Variants in KCND2 observed in about 807,000 individuals in gnomAD.
The protein encoded by KCND2 is A-type voltage-gated potassium channel KCND2.
A neutral mutation model predicts 54.4 loss-of-function variants in KCND2; 16 were observed. That is an observed-to-expected ratio of 0.29 (90% CI 0.20 to 0.45). The LOEUF (loss-of-function observed/expected upper bound fraction) is 0.45. Ranked by LOEUF, KCND2 falls within the 20% of genes least tolerant of loss-of-function variation. The pLI is 1.00. For synonymous variants in KCND2, 317 were observed against 310.7 expected (o/e 1.02, Z -0.21); for missense variants, 486 against 824.2 (o/e 0.59, Z 5.02).
At chr7:120,599,352 T>C (rs991522198) in intron 1 of KCND2, among the ~76,000 whole-genome samples, 2 of 152,036 alleles carry the variant, frequency 1.3e-5, no homozygotes, top group Non-Finnish European at 2.9e-5. Context: ...GGAATAAAAT[T>C]ATTTGTCTCA....
At chr7:120,678,282 C>T (rs534769791) in intron 1 of KCND2, among the ~76,000 whole-genome samples, 1 of 148,990 alleles carries the variant, frequency 6.7e-6, no homozygotes, top group East Asian at 2.0e-4. Context: ...TTATATAGGA[C>T]TCAGTACTGT....
chr7:120,528,364 A>G (rs972471494), intron 1 of KCND2, among the ~76,000 whole-genome samples: 2 of 152,282 alleles, frequency 1.3e-5, no homozygotes, highest in African/African-American at 4.8e-5. Flanking sequence ...GTGATTTATT[A>G]TTTAAAAAAA....
intron 1 of KCND2, among the ~76,000 whole-genome samples, chr7:120,288,988 G>C (rs893549416): frequency 6.6e-6 from 1 of 151,620 alleles, no homozygotes; most frequent in East Asian, 1.9e-4. Context: ...CCTTAACAGA[G>C]TATATATGGG....
intron 1 of KCND2, among the ~76,000 whole-genome samples, chr7:120,384,080 C>T (rs1800953365): frequency 6.6e-6 from 1 of 152,010 alleles, no homozygotes; most frequent in Admixed American, 6.6e-5. Context: ...TACAACTACC[C>T]CATCCTCCCA....
At chr7:120,486,415 G>A (rs1802694121) in intron 1 of KCND2, among the ~76,000 whole-genome samples, 1 of 152,062 alleles carries the variant, frequency 6.6e-6, no homozygotes, top group Non-Finnish European at 1.5e-5. Context: ...AGGAATTGTA[G>A]CTACCAAATT....
chr7:120,668,333 C>T (rs575155578), intron 1 of KCND2, among the ~76,000 whole-genome samples: 2 of 152,102 alleles, frequency 1.3e-5, no homozygotes, highest in African/African-American at 2.4e-5. Context: ...AATTAAAACA[C>T]ATTTCACTAA....
intron 1 of KCND2, among the ~76,000 whole-genome samples, chr7:120,550,876 T>C (rs1264143490): frequency 1.3e-5 from 2 of 152,224 alleles, no homozygotes; most frequent in African/African-American, 4.8e-5. Flanking sequence ...ATAGCACTTC[T>C]CAAATGGAAA....
intron 1 of KCND2, among the ~76,000 whole-genome samples, chr7:120,388,330 T>C (rs1801020161): frequency 6.6e-6 from 1 of 152,076 alleles, no homozygotes; most frequent in African/African-American, 2.4e-5. Flanking sequence ...GAAAGTTTAG[T>C]AGGAGATATT....
At chr7:120,476,363 G>A in intron 1 of KCND2, among the ~76,000 whole-genome samples, 1 of 152,224 alleles carries the variant, frequency 6.6e-6, no homozygotes, top group East Asian at 1.9e-4. Context: ...ATAAGCTGCT[G>A]AAAACAGAAA....
At chr7:120,620,574 T>C (rs1358231132) in intron 1 of KCND2, among the ~76,000 whole-genome samples, 1 of 152,204 alleles carries the variant, frequency 6.6e-6, no homozygotes, top group Non-Finnish European at 1.5e-5. Context: ...AAATTTGTAA[T>C]CAACTTATTG....
intron 1 of KCND2, among the ~76,000 whole-genome samples, chr7:120,629,372 G>C (rs1382916519): frequency 1.3e-5 from 2 of 152,170 alleles, no homozygotes; most frequent in African/African-American, 4.8e-5. Flanking sequence ...TGTAGTCCCA[G>C]CTACTCAAGA....
intron 1 of KCND2, among the ~76,000 whole-genome samples, chr7:120,561,066 A>G (rs1477995388): frequency 6.6e-6 from 1 of 152,230 alleles, no homozygotes; most frequent in African/African-American, 2.4e-5. Context: ...CAAACGATCA[A>G]TCTTTTGAAA....
intron 1 of KCND2, among the ~76,000 whole-genome samples, chr7:120,699,231 G>A (rs938880564): frequency 2.6e-5 from 4 of 151,240 alleles, no homozygotes; most frequent in African/African-American, 4.9e-5. Context: ...GCAGTGAGCC[G>A]AGATCGCGCC....
chr7:120,314,716 A>G (rs776595439), intron 1 of KCND2, among the ~76,000 whole-genome samples: 1 of 152,196 alleles, frequency 6.6e-6, no homozygotes, highest in African/African-American at 2.4e-5. Context: ...TAATATTACA[A>G]TGCAAAGCAG....
chr7:120,407,339 A>G (rs1801377177), intron 1 of KCND2, among the ~76,000 whole-genome samples: 1 of 152,044 alleles, frequency 6.6e-6, no homozygotes, highest in South Asian at 2.1e-4. Flanking sequence ...GAGATACATA[A>G]GAAGTACACA....
chr7:120,567,828 C>A (rs895336311), intron 1 of KCND2, among the ~76,000 whole-genome samples: 3 of 152,044 alleles, frequency 2.0e-5, no homozygotes, highest in Non-Finnish European at 4.4e-5. Flanking sequence ...GAAAACGAAT[C>A]TTTAGGGAAT....
At chr7:120,641,791 T>A (rs1584866151) in intron 1 of KCND2, among the ~76,000 whole-genome samples, 2 of 127,032 alleles carry the variant, frequency 1.6e-5, no homozygotes, top group Non-Finnish European at 1.6e-5. Context: ...TACTTAAAAA[T>A]CCAATTATAA....
chr7:120,346,758 A>G (rs960052799), intron 1 of KCND2, among the ~76,000 whole-genome samples: 9 of 150,144 alleles, frequency 6.0e-5, no homozygotes, highest in Admixed American at 1.3e-4. Flanking sequence ...TTCCTTTACC[A>G]GTGTCTTGAC....
At chr7:120,332,712 GAAAC>G (rs1217224331) in intron 1 of KCND2, among the ~76,000 whole-genome samples, 7 of 152,084 alleles carry the variant, frequency 4.6e-5, no homozygotes, top group Admixed American at 3.3e-4. Context: ...GTACAAAAGA[GAAAC>G]AAATTATAAA....
Sources: gnomAD v4.1 joint callset for allele counts (sites outside exome capture counted in the v4.1 genomes callset) on GRCh38, gnomAD v4.1.1 for gene constraint, MANE v1.5 for transcripts, NCBI Gene and HGNC (gene_info 2026-07-23, HGNC 2026-07-21) for gene names.